TMPRSS6: variants seen among roughly 807,000 people sequenced by gnomAD.
The protein encoded by TMPRSS6 is transmembrane protease serine 6.
Under a neutral mutation model 101.5 loss-of-function variants are expected in TMPRSS6, and 67 were observed. The ratio of observed to expected loss-of-function variants is 0.66; its 90% CI spans 0.54 to 0.81. TMPRSS6 has a LOEUF of 0.81. Ranked by LOEUF, TMPRSS6 falls within the 30% of genes least tolerant of loss-of-function variation. The probability of loss-of-function intolerance (pLI) is 0.00; values close to 1 mark genes in which losing one functional copy is unlikely to be tolerated. For missense variants in TMPRSS6, 1,034 were observed against 1,088.7 expected, an observed-to-expected ratio of 0.95 and a Z score of 0.71; for synonymous variants, 453 against 464.9, an observed-to-expected ratio of 0.97 and a Z score of 0.33.
In TMPRSS6 at chr22:37,070,473, C is replaced by G; in HGVS notation, c.1841+11G>C. The G allele has an allele frequency of 6.2e-7, 1 of 1,613,416 alleles. No homozygotes were observed. The highest frequency in any genetic ancestry group is 8.5e-7 in the Non-Finnish European group (1 of 1,179,930). On this transcript the variant is annotated intron_variant, in intron 15 of 17. Transcript: ENST00000676104. ...CTCTTACTGCCTAGGCCCCCACACC[C>G]TCCCGCTCACCTGTCCTCCTGGAAG...
intron 16 of TMPRSS6, among the ~76,000 whole-genome samples, chr22:37,067,892 G>GGCCCTGTCTGCCATTCTGGTTGCTCTT (rs1926480536): frequency 6.6e-6 from 1 of 151,830 alleles, no homozygotes; most frequent in Non-Finnish European, 1.5e-5. Flanking sequence ...CCTCGCCCAG[G>GGCCCTGTCTGCCATTCTGGTTGCTCTT]CACGCCTGCC....
chr22:37,078,046 T>C (rs1927828515), intron 10 of TMPRSS6, among the ~76,000 whole-genome samples: 1 of 152,168 alleles, frequency 6.6e-6, no homozygotes, highest in Non-Finnish European at 1.5e-5. Flanking sequence ...TTGGTGTCTG[T>C]TTGTCTATAA....
In TMPRSS6 at chr22:37,070,623, T is replaced by A; in HGVS notation, c.1702A>T (p.Ile568Phe). The A allele has an allele frequency of 6.2e-7, 1 of 1,611,780 alleles. No homozygotes were observed. The highest frequency in any genetic ancestry group is 1.3e-5 in the African/African-American group (1 of 74,432). The stretch of plus-strand genomic sequence containing the variant: ...TCGGAGGACACAGCTCCACCAACAA[T>A]GCGGCTGGAGGGGCCCTGGAGGCCA... ...DCGLQGPSSR[I>F]VGGAVSSEGE... is the part of the protein sequence containing the mutation. Residue 568 changes from isoleucine (I) to phenylalanine (F), a missense_variant, in exon 15 of 18, where the codon ATT becomes TTT. Transcript: ENST00000676104.
At chr22:37,089,129 C>G (rs532114110) in intron 7 of TMPRSS6, among the ~76,000 whole-genome samples, 1 of 152,128 alleles carries the variant, frequency 6.6e-6, no homozygotes, top group South Asian at 2.1e-4. Context: ...CACGAGGGCC[C>G]GGCAGTGAAG....
At chr22:37,107,024 G>A (rs1930757274) in intron 1 of TMPRSS6, among the ~76,000 whole-genome samples, 2 of 152,242 alleles carry the variant, frequency 1.3e-5, no homozygotes, top group South Asian at 4.1e-4. Context: ...GCTCACCTCT[G>A]GGGTTCCCCA....
chr22:37,072,898 T>C, intron 13 of TMPRSS6, among the ~76,000 whole-genome samples: 1 of 143,424 alleles, frequency 7.0e-6, no homozygotes. Flanking sequence ...GATGAATGGA[T>C]GGATGGATAG....
At position 37,082,707 on chromosome 22, in the gene TMPRSS6, G is replaced by A. The variant is rs116510366; in HGVS notation, c.1196+1588C>T. ...CCAGCATGTCACCCCAGCAGCACAG[G>A]CCTGATGTCACACTCCATCAGCATA... is the stretch of plus-strand genomic sequence containing the variant. On this transcript the variant is annotated intron_variant, in intron 10 of 17. Coordinates refer to ENST00000676104, the MANE Select transcript of TMPRSS6 (RefSeq NM_001374504.1). 4.4e-3 allele frequency: 1,512 copies of A among 345,828 alleles called. 25 individuals are homozygous for A. Among genetic ancestry groups the A allele is most frequent in the African/African-American group, 0.03 (1,364 of 46,218 alleles). The allele number at this position is 345,828 out of a possible 1,614,324, so 21.4% of individuals were successfully genotyped here.
chr22:37,076,673 C>T (rs1230340236), intron 10 of TMPRSS6, among the ~76,000 whole-genome samples: 1 of 152,212 alleles, frequency 6.6e-6, no homozygotes, highest in South Asian at 2.1e-4. Context: ...GTGGGACCCT[C>T]CCTCCACAGC....
Position 37,066,114 on chromosome 22 carries a change from C to T in TMPRSS6, c.2375G>A (p.Gly792Asp), listed in dbSNP as rs1434329960. The T allele has an allele frequency of 1.9e-6, 3 of 1,613,486 alleles. No individual in the cohort carries two copies. The highest frequency in any genetic ancestry group is 2.2e-5 in the South Asian group (2 of 91,086). ...CACTTGCTGGATCCAGCTGATCACA[C>T]CTGTGATGCGGGTGTAGACGCCGAA... The part of the protein sequence containing the change: ...NYFGVYTRIT[G>D]VISWIQQVVT The change falls in exon 18 of 18, where the codon GGT (glycine) becomes GAT (aspartate). Residue 792 changes from glycine (G) to aspartate (D), a missense_variant. Physicochemically the swap from Gly to Asp is moderately conservative, Grantham distance 94. Coordinates refer to ENST00000676104, the MANE Select transcript of TMPRSS6 (RefSeq NM_001374504.1).
intron 13 of TMPRSS6, among the ~76,000 whole-genome samples, chr22:37,072,683 G>GGATGGATGGGTGATGGACGGATGGAT (rs1339133583): frequency 1.4e-5 from 2 of 142,310 alleles, no homozygotes; most frequent in African/African-American, 5.5e-5. Context: ...GATGGATGAT[G>GGATGGATGGGTGATGGACGGATGGAT]GATGGATGGG....
chr22:37,078,388 G>C (rs1927858174), intron 10 of TMPRSS6, among the ~76,000 whole-genome samples: 1 of 152,174 alleles, frequency 6.6e-6, no homozygotes, highest in Non-Finnish European at 1.5e-5. Context: ...CCAGTCTGTA[G>C]CTGGCAGCAA....
rs1321880060 is a variant in TMPRSS6 at position 37,078,964 on chromosome 22, A to AAAGG, written c.1197-3685_1197-3684insCCTT. Among the ~76,000 whole-genome samples the AAAGG allele has an allele frequency of 6.3e-3, 506 of 80,492 alleles. 10 individuals carry two copies. The highest frequency in any genetic ancestry group is 0.02 in the African/African-American group (467 of 23,430). 52.8% of individuals were successfully genotyped at this position (80,492 alleles called of 152,430 possible). A position where few individuals can be genotyped will look rare whatever the true frequency, so the allele number is the denominator to read the frequency against. On this transcript the variant is annotated intron_variant, in intron 10 of 17. Transcript: ENST00000676104. ...GAAGGAGAAGGAGAAAAAGAGAAAG[A>AAAGG]AAGAAAGAAAAAGAAAGAAAGAAAG...
intron 9 of TMPRSS6, 97 bp downstream of exon 9, chr22:37,084,630 G>T: frequency 1.8e-6 from 2 of 1,120,578 alleles, no homozygotes; most frequent in South Asian, 1.4e-5. Context: ...GGGCGCTTCA[G>T]CAGAGGCGGG....
intron 6 of TMPRSS6, among the ~76,000 whole-genome samples, chr22:37,090,624 T>C (rs1187051303): frequency 6.6e-6 from 1 of 152,214 alleles, no homozygotes; most frequent in African/African-American, 2.4e-5. Context: ...CTGTATGAGA[T>C]ACTTTCAATG....
intron 3 of TMPRSS6, among the ~76,000 whole-genome samples, chr22:37,097,754 G>A (rs1929908584): frequency 2.1e-5 from 2 of 95,418 alleles, no homozygotes; most frequent in Admixed American, 8.9e-5. Flanking sequence ...GGGCAGGAGC[G>A]GCCACTGTCC....
rs1926281604 is a variant in TMPRSS6 at position 37,066,297 on chromosome 22, G to A, written c.2251-59C>T. 6 of 1,496,742 alleles carry A rather than the reference G, an allele frequency of 4.0e-6. No individual in the cohort carries two copies. In the East Asian group the frequency reaches 1.2e-4, roughly 30 times the overall value. 92.7% of individuals were successfully genotyped at this position (1,496,742 alleles called of 1,614,324 possible). On this transcript the variant is annotated intron_variant, in intron 17 of 17. Coordinates refer to ENST00000676104, the MANE Select transcript of TMPRSS6 (RefSeq NM_001374504.1). ...GGTAAGGGCACCCCCTTTTCCAGGT[G>A]AAGAGCCATAGGGATTAAGTCCTGA...
rs117496462 is a variant in TMPRSS6, at chr22:37,080,478, A to C, written c.1196+3817T>G. Among the ~76,000 whole-genome samples, 149 of 152,376 alleles carry C rather than the reference A, an allele frequency of 9.8e-4. 3 individuals are homozygous for C. The East Asian group carries it at 0.027, about 28-fold the overall frequency. ...CCCTCCCTAAAGTGCCTTGTCTGAA[A>C]ATCTGCTCTTCCCTAGACCTCTCAT... On this transcript the variant is annotated intron_variant, in intron 10 of 17. Transcript: ENST00000676104.
intron 10 of TMPRSS6, among the ~76,000 whole-genome samples, chr22:37,083,360 GC>G (rs1482855031): frequency 6.6e-6 from 1 of 150,610 alleles, no homozygotes; most frequent in African/African-American, 2.4e-5. Context: ...CTCTCCCCTT[GC>G]CCACCCTCCC....
At position 37,101,664 on chromosome 22, in the gene TMPRSS6, A is replaced by G. The variant is rs1330568073; in HGVS notation, c.202+1552T>C. 1.3e-5 allele frequency among the ~76,000 whole-genome samples: 2 copies of G among 152,140 alleles called. No individual in the cohort carries two copies. The highest frequency in any genetic ancestry group is 4.8e-5 in the African/African-American group (2 of 41,424). On this transcript the variant is annotated intron_variant, in intron 2 of 17. Coordinates refer to ENST00000676104, the MANE Select transcript of TMPRSS6 (RefSeq NM_001374504.1). This position sits in a 1 kb window ranked among gnomAD's most constrained non-coding sequence, Gnocchi z 4.1. ...TGTGGGGGAGTTGGCTTCCCCCAGC[A>G]GAGGCTTGGGAGCACTCACCCCTTG...
Sources: gnomAD v4.1 joint callset for allele counts (sites outside exome capture counted in the v4.1 genomes callset) on GRCh38, gnomAD v4.1.1 for gene constraint, Gnocchi (gnomAD v3.1) non-coding constraint, MANE v1.5 for transcripts, NCBI Gene and HGNC (gene_info 2026-07-23, HGNC 2026-07-21) for gene names.